Variants in RNF10 observed in about 807,000 individuals in gnomAD.
RNF10 encodes the protein E3 ubiquitin-protein ligase RNF10.
RNF10 carries 38 observed loss-of-function variants against 91.4 expected under a neutral mutation model. The ratio of observed to expected loss-of-function variants is 0.42; its 90% CI spans 0.32 to 0.54. RNF10 has a LOEUF of 0.54. RNF10 is among the 20% of genes least tolerant of loss of function. RNF10 has a pLI of 0.16. For missense variants in RNF10, 945 were observed against 1,012.0 expected (o/e 0.93, Z 0.90); for synonymous variants, 364 against 366.3 (o/e 0.99, Z 0.07).
Position 120,544,595 on chromosome 12 carries a change from T to C in RNF10, c.158-1810T>C, listed in dbSNP as rs140267477. On this transcript the variant is annotated intron_variant, in intron 1 of 16. Coordinates refer to ENST00000325954, the MANE Select transcript of RNF10 (RefSeq NM_014868.5). Reference sequence around the variant, plus strand: ...TGGCTTGAGCCTGAGAGGTGGAGGTTGTAGTGAACGAGATTGTGCCACTGC... The same window carrying C: ...TGGCTTGAGCCTGAGAGGTGGAGGTCGTAGTGAACGAGATTGTGCCACTGC... Among the ~76,000 whole-genome samples the C allele has an allele frequency of 4.2e-3, 640 of 151,700 alleles. 3 individuals are homozygous for C. The highest frequency in any genetic ancestry group is 0.015 in the African/African-American group (605 of 41,262).
intron 13 of RNF10, among the ~76,000 whole-genome samples, chr12:120,568,923 A>G (rs1876182009): frequency 6.6e-6 from 1 of 151,592 alleles, no homozygotes; most frequent in South Asian, 2.1e-4. Context: ...TACCTGGCCA[A>G]GAAAGATACT....
chr12:120,566,761 CAAAAAA>C, intron 12 of RNF10, 58 bp from the exon 13 acceptor site: 8 of 1,285,298 alleles, frequency 6.2e-6, no homozygotes, highest in Admixed American at 2.4e-5. Context: ...GACCCCATCT[CAAAAAA>C]AAAAAAAAAA....
rs921986463 is a variant in RNF10 at position 120,566,753 on chromosome 12, C to T, written c.1886-72C>T. 3.8e-6 allele frequency: 5 copies of T among 1,310,450 alleles called. No homozygotes were observed. In the Admixed American group the frequency reaches 6.7e-5, roughly 18 times the overall value. The allele number at this position is 1,310,450 out of a possible 1,614,324, so 81.2% of individuals were successfully genotyped here. Reference sequence around the variant, plus strand: ...CTCCAGCCTGGGTGACAGAGTGAGACCCCATCTCAAAAAAAAAAAAAAAAA... The same window carrying T: ...CTCCAGCCTGGGTGACAGAGTGAGATCCCATCTCAAAAAAAAAAAAAAAAA... On this transcript the variant is annotated intron_variant, in intron 12 of 16. Transcript: ENST00000325954.
At chr12:120,562,276 T>C (rs1381850462) in intron 7 of RNF10, among the ~76,000 whole-genome samples, 11 of 141,604 alleles carry the variant, frequency 7.8e-5, no homozygotes, top group African/African-American at 1.3e-4. Flanking sequence ...TCTTTCTTTT[T>C]TTTTTTTTTT....
chr12:120,563,782 G>A, intron 9 of RNF10, 28 bp from the exon 10 acceptor site: 1 of 1,613,024 alleles, frequency 6.2e-7, no homozygotes, highest in Non-Finnish European at 8.5e-7. Context: ...GGCCAAGACT[G>A]GTGTGTGATA....
intron 6 of RNF10, among the ~76,000 whole-genome samples, chr12:120,558,799 G>A (rs1336618814): frequency 6.6e-6 from 1 of 151,070 alleles, no homozygotes; most frequent in Non-Finnish European, 1.5e-5. Flanking sequence ...TCGAACTCCC[G>A]AGCTCAAGTG....
chr12:120,549,605 C>G (rs1261481063), intron 2 of RNF10, among the ~76,000 whole-genome samples: 1 of 151,972 alleles, frequency 6.6e-6, no homozygotes, highest in African/African-American at 2.4e-5. Context: ...GCTAATGTGG[C>G]AAAACTCTGT....
chr12:120,542,740 A>G (rs1007933492), intron 1 of RNF10, among the ~76,000 whole-genome samples: 3 of 152,004 alleles, frequency 2.0e-5, no homozygotes, highest in African/African-American at 7.2e-5. Context: ...TCTAGTAAAG[A>G]TGGGGCTTCA....
chr12:120,553,535 G>A (rs1347524526), intron 3 of RNF10, among the ~76,000 whole-genome samples: 6 of 151,528 alleles, frequency 4.0e-5, no homozygotes, highest in Non-Finnish European at 8.8e-5. Flanking sequence ...CTCCCGAGTA[G>A]CTGGGACTAC....
chr12:120,570,232 GC>G (rs558720085), intron 13 of RNF10: 39 of 146,564 alleles, frequency 2.7e-4, no homozygotes, highest in African/African-American at 9.2e-4. Context: ...TATCACCCAG[GC>G]TGGAGCACAA....
chr12:120,557,804 C>T lies in RNF10; in HGVS notation c.967+122C>T, dbSNP rs575894293. On this transcript the variant is annotated intron_variant, in intron 6 of 16. Coordinates refer to ENST00000325954, the MANE Select transcript of RNF10 (RefSeq NM_014868.5). ...GCACATCTGGCATGTTCATATTAGT[C>T]ATAGGATTCCAGTAGGTTAGGGTGG... 1.1e-5 allele frequency: 12 copies of T among 1,056,596 alleles called. No individual in the cohort carries two copies. In the African/African-American group the frequency reaches 1.7e-4, roughly 15 times the overall value. The allele number at this position is 1,056,596 out of a possible 1,614,324, so 65.5% of individuals were successfully genotyped here.
intron 6 of RNF10, among the ~76,000 whole-genome samples, chr12:120,559,668 C>G (rs1025874453): frequency 2.6e-5 from 4 of 151,700 alleles, no homozygotes; most frequent in African/African-American, 9.7e-5. Context: ...CAGGTGTGAG[C>G]CACCGTACTC....
At chr12:120,570,983 C>T (rs1296967520) in intron 13 of RNF10, among the ~76,000 whole-genome samples, 1 of 152,010 alleles carries the variant, frequency 6.6e-6, no homozygotes. Flanking sequence ...GCTCTTCCCT[C>T]TTCCTGTACC....
At chr12:120,547,234 CCTT>C (rs925422905) in intron 2 of RNF10, among the ~76,000 whole-genome samples, 7 of 152,188 alleles carry the variant, frequency 4.6e-5, no homozygotes, top group African/African-American at 1.7e-4. Context: ...TTTAAAGACA[CCTT>C]CTCTGAGGAG....
At chr12:120,558,486 T>G (rs1266185214) in intron 6 of RNF10, among the ~76,000 whole-genome samples, 1 of 151,342 alleles carries the variant, frequency 6.6e-6, no homozygotes, top group Non-Finnish European at 1.5e-5. Context: ...GGTGGATTTT[T>G]GAACCAGGCT....
intron 13 of RNF10, chr12:120,570,276 TC>T (rs1876437620): frequency 6.6e-6 from 1 of 150,674 alleles, no homozygotes; most frequent in Admixed American, 6.6e-5. Flanking sequence ...AGCCTCCACT[TC>T]CCAGGTTCAA....
At position 120,562,144 on chromosome 12, in the gene RNF10, C is replaced by T. The variant is rs1234568689; in HGVS notation, c.1129-801C>T. Among the ~76,000 whole-genome samples, 3 of 152,040 alleles carry T rather than the reference C, an allele frequency of 2.0e-5. No homozygotes were observed. In the East Asian group the frequency reaches 5.8e-4, roughly 29 times the overall value. ...GTTATTTTTCCTGATCCCCTCCCTC[C>T]TCCCACTCTCCACCCTCTGATAGGC... On this transcript the variant is annotated intron_variant, in intron 7 of 16. Coordinates refer to ENST00000325954, the MANE Select transcript of RNF10 (RefSeq NM_014868.5).
rs372333043 is a variant in RNF10 at position 120,545,847 on chromosome 12, G to A, written c.158-558G>A. Among the ~76,000 whole-genome samples, 7 of 152,278 alleles carry A rather than the reference G, an allele frequency of 4.6e-5. No homozygotes were observed. In the South Asian group the frequency reaches 1.5e-3, roughly 32 times the overall value. Reference sequence around the variant, plus strand: ...AGCCATTGCGCCCAGCCCCCAGTATGCTTTTAGAGCTCAACTTCTTTTGTT... The same window carrying A: ...AGCCATTGCGCCCAGCCCCCAGTATACTTTTAGAGCTCAACTTCTTTTGTT... On this transcript the variant is annotated intron_variant, in intron 1 of 16. Transcript: ENST00000325954.
chr12:120,544,808 C>T (rs578016547), intron 1 of RNF10, among the ~76,000 whole-genome samples: 2 of 152,294 alleles, frequency 1.3e-5, no homozygotes, highest in Admixed American at 6.5e-5. Context: ...ACATAATCAC[C>T]TAAGCCTCTG....
Sources: allele counts gnomAD v4.1 joint callset (sites outside exome capture counted in the v4.1 genomes callset), GRCh38; gene constraint gnomAD v4.1.1; transcripts MANE v1.5; gene names NCBI Gene and HGNC (gene_info 2026-07-23, HGNC 2026-07-21).